Variants in SEMA6D observed in about 807,000 individuals in gnomAD.
The protein encoded by SEMA6D is semaphorin 6D, also known as semaphorin-6D.
SEMA6D carries 35 observed loss-of-function variants against 106.6 expected under a neutral mutation model. The observed-to-expected ratio is 0.33, with a 90% CI of 0.25 to 0.44. SEMA6D has a LOEUF of 0.44. Among genes scored for constraint, SEMA6D ranks in the 20% least tolerant of loss-of-function variants. SEMA6D has a pLI of 1.00. For missense variants in SEMA6D, 1,185 were observed against 1,345.9 expected, an observed-to-expected ratio of 0.88 and a Z score of 1.87; for synonymous variants, 499 against 487.7, an observed-to-expected ratio of 1.02 and a Z score of -0.31.
At chr15:47,490,562 T>G (rs1018693945) in intron 3 of SEMA6D, among the ~76,000 whole-genome samples, 2 of 152,132 alleles carry the variant, frequency 1.3e-5, no homozygotes, top group African/African-American at 4.8e-5. Context: ...GGAGAATCAC[T>G]GGAACCCAGG....
chr15:47,471,904 TTCTCTC>T (rs375802887), intron 3 of SEMA6D, among the ~76,000 whole-genome samples: 78 of 123,712 alleles, frequency 6.3e-4, no homozygotes, highest in African/African-American at 1.8e-3. Context: ...GCTGTGCTCT[TTCTCTC>T]TCTCTCTCTC....
At chr15:47,516,610 T>G (rs539934454) in intron 3 of SEMA6D, among the ~76,000 whole-genome samples, 1 of 152,180 alleles carries the variant, frequency 6.6e-6, no homozygotes, top group Non-Finnish European at 1.5e-5. Context: ...GACAGGCAAC[T>G]AAGGGACAGA....
chr15:47,682,261 G>A lies in SEMA6D; in HGVS notation c.-54-77484G>A, dbSNP rs566311569. 2.2e-4 allele frequency among the ~76,000 whole-genome samples: 34 copies of A among 151,604 alleles called. No individual in the cohort carries two copies. The South Asian group carries it at 5.0e-3, about 22-fold the overall frequency. ...CGGCTCACTGCAAGCTCCGCCTCCC[G>A]GGTTCATGCCATTCTGCTGCCTCAG... On this transcript the variant is annotated intron_variant, in intron 4 of 19. Transcript: ENST00000558014.
chr15:47,320,184 G>C (rs1264798655), intron 1 of SEMA6D, among the ~76,000 whole-genome samples: 1 of 152,048 alleles, frequency 6.6e-6, no homozygotes, highest in Non-Finnish European at 1.5e-5. Context: ...GCCTGTCTCT[G>C]ACTGCTCAGT....
chr15:47,629,672 G>A (rs770066264), intron 4 of SEMA6D, among the ~76,000 whole-genome samples: 18 of 151,628 alleles, frequency 1.2e-4, no homozygotes, highest in African/African-American at 3.1e-4. Flanking sequence ...ATTACAACTC[G>A]CTTCTTTTAT....
At chr15:47,505,288 C>T (rs2044003309) in intron 3 of SEMA6D, among the ~76,000 whole-genome samples, 1 of 152,192 alleles carries the variant, frequency 6.6e-6, no homozygotes, top group African/African-American at 2.4e-5. Context: ...GGTCTCCCAG[C>T]ACTTTTGTTC....
intron 1 of SEMA6D, among the ~76,000 whole-genome samples, chr15:47,343,441 G>T (rs2144568519): frequency 6.7e-6 from 1 of 149,472 alleles, no homozygotes; most frequent in Admixed American, 6.7e-5. Flanking sequence ...AGTGTGTGAT[G>T]TTCCCCTTCC....
chr15:47,767,311 T>A, intron 17 of SEMA6D: 1 of 398,894 alleles, frequency 2.5e-6, no homozygotes. Flanking sequence ...CCACATCCTT[T>A]AAGAAAATTC....
intron 3 of SEMA6D, among the ~76,000 whole-genome samples, chr15:47,600,490 T>C (rs1376891318): frequency 1.3e-5 from 2 of 152,166 alleles, no homozygotes; most frequent in Admixed American, 1.3e-4. Context: ...GAAGATAAAA[T>C]AAGACATAGC....
intron 4 of SEMA6D, among the ~76,000 whole-genome samples, chr15:47,605,596 C>A (rs555025178): frequency 6.6e-6 from 1 of 152,244 alleles, no homozygotes; most frequent in East Asian, 1.9e-4. Context: ...AACAGCACCT[C>A]CCCAACTCGG....
chr15:47,643,828 A>G (rs977601246), intron 4 of SEMA6D, among the ~76,000 whole-genome samples: 2 of 152,180 alleles, frequency 1.3e-5, no homozygotes, highest in African/African-American at 2.4e-5. Context: ...TATAGTCACT[A>G]TACAGTGCTA....
At chr15:47,377,457 G>A (rs1158662834) in intron 1 of SEMA6D, among the ~76,000 whole-genome samples, 4 of 152,178 alleles carry the variant, frequency 2.6e-5, no homozygotes, top group Admixed American at 6.5e-5. Flanking sequence ...GATCGGGGTG[G>A]ATGGGGTTAA....
intron 4 of SEMA6D, among the ~76,000 whole-genome samples, chr15:47,637,572 A>T (rs1327708886): frequency 6.6e-6 from 1 of 152,194 alleles, no homozygotes. Context: ...GCATCGTGTC[A>T]GTTTTTCAAT....
chr15:47,714,527 A>C (rs12910903), upstream of SEMA6D, among the ~76,000 whole-genome samples: 2 of 152,044 alleles, frequency 1.3e-5, no homozygotes, highest in Non-Finnish European at 2.9e-5. Flanking sequence ...TAATTTTCAG[A>C]TGACCGTTAT....
At chr15:47,736,968 A>C (rs2080481035) in intron 1 of SEMA6D, among the ~76,000 whole-genome samples, 1 of 152,180 alleles carries the variant, frequency 6.6e-6, no homozygotes, top group East Asian at 1.9e-4. Context: ...ATTGGCATGG[A>C]TCTTTGTGAA....
intron 3 of SEMA6D, among the ~76,000 whole-genome samples, chr15:47,518,553 C>T (rs572012637): frequency 6.6e-6 from 1 of 152,176 alleles, no homozygotes. Flanking sequence ...GTTACTGTAC[C>T]GAATATTGCA....
intron 3 of SEMA6D, among the ~76,000 whole-genome samples, chr15:47,580,044 A>G (rs1446876146): frequency 2.0e-5 from 3 of 152,122 alleles, no homozygotes; most frequent in African/African-American, 4.8e-5. Context: ...AATTTAAACA[A>G]TTTTCAAACT....
At chr15:47,640,631 C>T (rs780657775) in intron 4 of SEMA6D, among the ~76,000 whole-genome samples, 9 of 152,114 alleles carry the variant, frequency 5.9e-5, no homozygotes, top group Non-Finnish European at 1.5e-5. Context: ...CGTCTATGAG[C>T]CTTAGGTGAT....
At chr15:47,461,593 G>A (rs2042511971) in intron 2 of SEMA6D, among the ~76,000 whole-genome samples, 1 of 151,998 alleles carries the variant, frequency 6.6e-6, no homozygotes, top group African/African-American at 2.4e-5. Context: ...TAATAATAAT[G>A]CCCATAGCAA....
Sources: gnomAD v4.1 joint callset for allele counts (sites outside exome capture counted in the v4.1 genomes callset) on GRCh38, gnomAD v4.1.1 for gene constraint, MANE v1.5 for transcripts, NCBI Gene and HGNC (gene_info 2026-07-23, HGNC 2026-07-21) for gene names.